Variants in ICOS observed in about 807,000 individuals in gnomAD.
The protein encoded by ICOS is inducible T cell costimulator.
ICOS carries 15 observed loss-of-function variants against 24.6 expected under a neutral mutation model. The ratio of observed to expected loss-of-function variants is 0.61; its 90% CI spans 0.41 to 0.94. ICOS has a LOEUF of 0.94. ICOS is among the 40% of genes least tolerant of loss of function. ICOS has a pLI of 0.00. For synonymous variants in ICOS, 89 were observed against 77.5 expected (o/e 1.15, Z -0.78); for missense variants, 200 against 233.0 (o/e 0.86, Z 0.92).
At chr2:203,953,417 T>A (rs73055995) in intron 1 of ICOS, among the ~76,000 whole-genome samples, 166 of 152,342 alleles carry the variant, frequency 1.1e-3, no homozygotes, top group Middle Eastern at 3.4e-3. Context: ...TTGGTTGTTT[T>A]GGCGTGAGAA....
intron 1 of ICOS, among the ~76,000 whole-genome samples, chr2:203,943,173 T>C (rs959360836): frequency 4.6e-5 from 7 of 152,216 alleles, no homozygotes; most frequent in African/African-American, 1.4e-4. Flanking sequence ...AATTTCTTCT[T>C]GGTTTGGATC....
chr2:203,950,575 G>A (rs893903775), intron 1 of ICOS, among the ~76,000 whole-genome samples: 1 of 152,168 alleles, frequency 6.6e-6, no homozygotes, highest in Admixed American at 6.5e-5. Flanking sequence ...TGCCAAAATA[G>A]TTATGAAATA....
intron 4 of ICOS, among the ~76,000 whole-genome samples, 175 bp from the exon 5 acceptor site, chr2:203,959,411 C>G (rs1211915192): frequency 2.0e-5 from 3 of 151,470 alleles, no homozygotes; most frequent in Non-Finnish European, 2.9e-5. Context: ...GGAACTGGTG[C>G]TGGGTGTTGA....
intron 2 of ICOS, among the ~76,000 whole-genome samples, chr2:203,956,343 A>C (rs1690077900): frequency 6.6e-6 from 1 of 152,176 alleles, no homozygotes; most frequent in African/African-American, 2.4e-5. Flanking sequence ...GTGTTTGTGG[A>C]ATGAAGTATG....
chr2:203,960,002 G>A lies in ICOS; in HGVS notation c.*403G>A, dbSNP rs1690149241. On this transcript the variant is annotated 3_prime_UTR_variant, in exon 5 of 5. Transcript: ENST00000316386. ...AGCAGCCAAGGACCAGCATCTGTCC[G>A]CATTTCACTATCATACTACCTCTTC... 9.0e-6 allele frequency: 3 copies of A among 334,184 alleles called. No individual in the cohort carries two copies. The highest frequency in any genetic ancestry group is 1.8e-5 in the Non-Finnish European group (3 of 171,318). The allele number at this position is 334,184 out of a possible 1,614,324, so 20.7% of individuals were successfully genotyped here.
At chr2:203,938,043 T>C (rs1689692640) in intron 1 of ICOS, among the ~76,000 whole-genome samples, 1 of 152,256 alleles carries the variant, frequency 6.6e-6, no homozygotes, top group African/African-American at 2.4e-5. Context: ...CTGTGCCAGA[T>C]GGTGTATGTA....
At chr2:203,949,951 A>G (rs989439911) in intron 1 of ICOS, among the ~76,000 whole-genome samples, 20 of 152,238 alleles carry the variant, frequency 1.3e-4, no homozygotes, top group Non-Finnish European at 1.8e-4. Context: ...ATAAGAAACT[A>G]ACGTATTCAG....
At chr2:203,944,446 A>G (rs1364884613) in intron 1 of ICOS, among the ~76,000 whole-genome samples, 1 of 152,164 alleles carries the variant, frequency 6.6e-6, no homozygotes, top group East Asian at 1.9e-4. Context: ...TGTTTGGGAG[A>G]GGAGGGTCTC....
At chr2:203,939,406 CTT>C (rs766465432) in intron 1 of ICOS, among the ~76,000 whole-genome samples, 1 of 151,984 alleles carries the variant, frequency 6.6e-6, no homozygotes, top group Non-Finnish European at 1.5e-5. Context: ...CAATAGGACA[CTT>C]TTAATTATAA....
intron 1 of ICOS, among the ~76,000 whole-genome samples, chr2:203,942,456 T>G (rs1689795116): frequency 6.6e-6 from 1 of 152,192 alleles, no homozygotes; most frequent in Non-Finnish European, 1.5e-5. Flanking sequence ...AGAACCCAGG[T>G]ACAATGACAG....
intron 1 of ICOS, among the ~76,000 whole-genome samples, chr2:203,953,150 A>C (rs1559035229): frequency 6.6e-6 from 1 of 152,292 alleles, no homozygotes; most frequent in Admixed American, 6.5e-5. Context: ...CCAAGAATGT[A>C]ACTCTTTGGG....
chr2:203,949,666 T>C (rs1031065437), intron 1 of ICOS, among the ~76,000 whole-genome samples: 1 of 152,114 alleles, frequency 6.6e-6, no homozygotes, highest in African/African-American at 2.4e-5. Flanking sequence ...TTGGAGAAGA[T>C]TTTATATTAA....
At chr2:203,949,489 A>G (rs1689932752) in intron 1 of ICOS, among the ~76,000 whole-genome samples, 1 of 152,204 alleles carries the variant, frequency 6.6e-6, no homozygotes, top group Admixed American at 6.5e-5. Context: ...CTGACTGTGT[A>G]TGATGCTGAG....
intron 1 of ICOS, among the ~76,000 whole-genome samples, chr2:203,942,282 T>G (rs1478229360): frequency 6.6e-6 from 1 of 152,244 alleles, no homozygotes; most frequent in Non-Finnish European, 1.5e-5. Context: ...AAAGTTCTGT[T>G]TACTTTGCAC....
intron 1 of ICOS, among the ~76,000 whole-genome samples, chr2:203,943,575 A>G (rs1408224008): frequency 6.6e-6 from 1 of 151,336 alleles, no homozygotes; most frequent in Non-Finnish European, 1.5e-5. Flanking sequence ...GGTGCAATGG[A>G]CTCCATGAGG....
At chr2:203,937,370 C>T (rs1265059134) in intron 1 of ICOS, among the ~76,000 whole-genome samples, 1 of 152,084 alleles carries the variant, frequency 6.6e-6, no homozygotes, top group South Asian at 2.1e-4. Context: ...TTTATTGACA[C>T]TAAGTATCAG....
intron 1 of ICOS, among the ~76,000 whole-genome samples, chr2:203,945,076 TA>T (rs1178701950): frequency 6.6e-6 from 1 of 152,154 alleles, no homozygotes; most frequent in Non-Finnish European, 1.5e-5. Context: ...ATATATATTT[TA>T]AAACACCTTA....
chr2:203,940,551 G>A (rs1211220495), intron 1 of ICOS, among the ~76,000 whole-genome samples: 1 of 151,920 alleles, frequency 6.6e-6, no homozygotes, highest in Non-Finnish European at 1.5e-5. Context: ...CTGGGAATAG[G>A]AGTCCTGGAT....
At position 203,936,885 on chromosome 2, in the gene ICOS, T is replaced by C. The variant is rs780437269; in HGVS notation, c.58+13T>C. 17 of 1,552,162 alleles carry C rather than the reference T, an allele frequency of 1.1e-5. No individual in the cohort carries two copies. Among genetic ancestry groups the C allele is most frequent in the East Asian group, 2.2e-5 (1 of 44,596 alleles). ...AAAGTTTTAACAGGTAAGTGGTGTA[T>C]TGAATATTTCTTATTAAGTTATAAT... is the stretch of plus-strand genomic sequence containing the variant. On this transcript the variant is annotated intron_variant, in intron 1 of 4. Coordinates refer to ENST00000316386, the MANE Select transcript of ICOS (RefSeq NM_012092.4).
Sources: allele counts gnomAD v4.1 joint callset (sites outside exome capture counted in the v4.1 genomes callset), GRCh38; gene constraint gnomAD v4.1.1; transcripts MANE v1.5; gene names NCBI Gene and HGNC (gene_info 2026-07-23, HGNC 2026-07-21).